SHANK1: variants seen among roughly 807,000 people sequenced by gnomAD.
SHANK1 encodes SH3 and multiple ankyrin repeat domains protein 1.
Under a neutral mutation model 165.6 loss-of-function variants are expected in SHANK1, and 35 were observed. The ratio of observed to expected loss-of-function variants is 0.21; its 90% CI spans 0.16 to 0.28. The LOEUF (loss-of-function observed/expected upper bound fraction) is 0.28, where lower values mean the gene tolerates loss of function less well. SHANK1 is among the 10% of genes least tolerant of loss of function. SHANK1 has a pLI of 1.00. For missense variants in SHANK1, 2,681 were observed against 3,036.4 expected (o/e 0.88, Z 2.75); for synonymous variants, 1,428 against 1,384.8 (o/e 1.03, Z -0.69).
In SHANK1 at chr19:50,667,777, G is replaced by A; in HGVS notation, c.4183C>T (p.His1395Tyr). The change falls in exon 23 of 24, where the codon CAC (histidine) becomes TAC (tyrosine). Residue 1395 changes from histidine to tyrosine, a missense_variant. Coordinates refer to ENST00000293441, the MANE Select transcript of SHANK1 (RefSeq NM_016148.5). This position sits in a 1 kb window ranked among gnomAD's most constrained non-coding sequence, Gnocchi z 5.7. ...YEAPPPTPHH[H>Y]SPHAHHEPVL... ...GGCTCGTGGTGGGCGTGGGGCGAGT[G>A]GTGGTGCGGGGTGGGCGGCGGGGCC... The A allele has an allele frequency of 7.7e-7, 1 of 1,298,906 alleles. No individual in the cohort carries two copies. Among genetic ancestry groups the A allele is most frequent in the South Asian group, 2.5e-5 (1 of 40,348 alleles). 80.5% of individuals were successfully genotyped at this position (1,298,906 alleles called of 1,614,324 possible).
chr19:50,673,383 A>G (rs1985867681), intron 21 of SHANK1, among the ~76,000 whole-genome samples: 1 of 148,378 alleles, frequency 6.7e-6, no homozygotes, highest in South Asian at 2.2e-4. Context: ...CTCCACCCCC[A>G]CCTCTTCCTT....
intron 15 of SHANK1, 141 bp downstream of exon 15, chr19:50,696,955 G>T: frequency 2.7e-6 from 2 of 731,452 alleles, no homozygotes; most frequent in South Asian, 3.3e-5. Context: ...GCACACAGAT[G>T]CGTGTCATGC....
intron 21 of SHANK1, among the ~76,000 whole-genome samples, chr19:50,678,491 G>C (rs1041870894): frequency 1.3e-5 from 2 of 151,540 alleles, no homozygotes; most frequent in African/African-American, 2.4e-5. Context: ...GCAGGGATCC[G>C]AGTGACAGTG....
At position 50,667,756 on chromosome 19, in the gene SHANK1, CGTGGTGGGCGTGGGGCGA is replaced by C; in HGVS notation, c.4186_4203del (p.Ser1396_His1401del). 1.0e-6 allele frequency: 1 copy of C among 986,706 alleles called. No individual in the cohort carries two copies. Among genetic ancestry groups the C allele is most frequent in the South Asian group, 2.8e-5 (1 of 35,930 alleles). The allele number at this position is 986,706 out of a possible 1,614,324, so 61.1% of individuals were successfully genotyped here. ...GCCCCCCAGAGACGCAGCACTGGCT[CGTGGTGGGCGTGGGGCGA>C]GTGGTGGTGCGGGGTGGGCGGCGGG... On this transcript the variant is annotated inframe_deletion, in exon 23 of 24. Transcript: ENST00000293441. This position sits in a 1 kb window ranked among gnomAD's most constrained non-coding sequence, Gnocchi z 5.7.
In SHANK1 at chr19:50,659,559, C is replaced by G. The variant is rs1275606523; in HGVS notation, c.*2406G>C. Among the ~76,000 whole-genome samples, 1 of 138,018 alleles carries G rather than the reference C, an allele frequency of 7.2e-6. No homozygotes were observed. The highest frequency in any genetic ancestry group is 2.6e-4 in the East Asian group (1 of 3,890). 90.5% of individuals were successfully genotyped at this position (138,018 alleles called of 152,430 possible). A position where few individuals can be genotyped will look rare whatever the true frequency, so the allele number is the denominator to read the frequency against. On this transcript the variant is annotated 3_prime_UTR_variant, in exon 24 of 24. Transcript: ENST00000293441. ...GTCCTCATCCGCCCCCCTCCTCTTCCCCTCCCACCCCCCCTTGGAAGACAA... is the reference window on the plus strand; with the variant it reads ...GTCCTCATCCGCCCCCCTCCTCTTCGCCTCCCACCCCCCCTTGGAAGACAA...
rs1302642079 is a variant in SHANK1, at chr19:50,686,878, T to A, written c.2390-66A>T. ...GGGGCGGGGCGGAGCGGGCTCGGCCTGTGGGCGTGGCCAGCAGGTGCGGGC... is the reference window on the plus strand; with the variant it reads ...GGGGCGGGGCGGAGCGGGCTCGGCCAGTGGGCGTGGCCAGCAGGTGCGGGC... On this transcript the variant is annotated intron_variant, in intron 19 of 23. Coordinates refer to ENST00000293441, the MANE Select transcript of SHANK1 (RefSeq NM_016148.5). The surrounding 1 kb of genome is among the most constrained non-coding windows in gnomAD (Gnocchi z 5.7). The A allele has an allele frequency of 6.3e-7, 1 of 1,578,682 alleles. No homozygotes were observed. Among genetic ancestry groups the A allele is most frequent in the Admixed American group, 1.7e-5 (1 of 57,586 alleles).
rs549051295 is a variant in SHANK1, at chr19:50,666,220, C to T, written c.5740G>A (p.Glu1914Lys). 1.0e-4 allele frequency: 164 copies of T among 1,605,492 alleles called. No homozygotes were observed. Among genetic ancestry groups the T allele is most frequent in the Non-Finnish European group, 1.3e-4 (156 of 1,176,822 alleles). Residue 1914 changes from glutamate (E) to lysine (K), a missense_variant, in exon 23 of 24, where the codon GAG (glutamate) becomes AAG (lysine). Physicochemically the swap from Glu to Lys is moderately conservative, Grantham distance 56 (BLOSUM62 1). Coordinates refer to ENST00000293441, the MANE Select transcript of SHANK1 (RefSeq NM_016148.5). ...SHHGGASYVPERTSSLQRQRL... is the reference protein window; with the variant it reads ...SHHGGASYVPKRTSSLQRQRL... ...TGCCGCTGCAGGGAGGAGGTCCTCT[C>T]GGGGACATAGCTGGCTCCCCCGTGG...
At position 50,718,898 on chromosome 19, in the gene SHANK1, G is replaced by T. The variant is rs955422993; in HGVS notation, c.-44+508C>A. Among the ~76,000 whole-genome samples the T allele has an allele frequency of 1.3e-5, 2 of 151,720 alleles. No individual in the cohort carries two copies. The highest frequency in any genetic ancestry group is 4.8e-5 in the African/African-American group (2 of 41,286). On this transcript the variant is annotated intron_variant, in intron 1 of 23. Coordinates refer to ENST00000293441, the MANE Select transcript of SHANK1 (RefSeq NM_016148.5). The surrounding 1 kb of genome is among the most constrained non-coding windows in gnomAD (Gnocchi z 5.1). ...GTGTAGGGACTGGAGACCTGGTGGG[G>T]ACGCAGGGAGCTTGGACAGGGGTGG...
chr19:50,663,743 GA>G (rs570620815), intron 23 of SHANK1, among the ~76,000 whole-genome samples: 2,909 of 112,836 alleles, frequency 0.026, 46 homozygotes, highest in African/African-American at 0.049. Flanking sequence ...ACAAGCAGTG[GA>G]AAAAAAAAAA....
rs1229197601 is a variant in SHANK1 at position 50,667,039 on chromosome 19, C to G, written c.4921G>C (p.Ala1641Pro). The change falls in exon 23 of 24, where the codon GCT (alanine) becomes CCT (proline). Residue 1641 changes from alanine (A) to proline (P), a missense_variant. By Grantham distance (27) the Ala-to-Pro change is conservative. Around this residue, in one of 10 missense-constraint regions of SHANK1, gnomAD observed 1,713 missense variants for 1,630.2 expected, o/e 1.05. Transcript: ENST00000293441. The surrounding 1 kb of genome is among the most constrained non-coding windows in gnomAD (Gnocchi z 5.7). ...CCTGGTGGATGGGGGTCCCCAGGAG[C>G]GGCGGAGGCCCCCTGGGTCAGGGTG... ...VATLTQGASAAPGDPHPPGPP... is the reference protein window; with the variant it reads ...VATLTQGASAPPGDPHPPGPP... 1.3e-6 allele frequency: 2 copies of G among 1,545,270 alleles called. No individual in the cohort carries two copies. Among genetic ancestry groups the G allele is most frequent in the African/African-American group, 2.7e-5 (2 of 74,100 alleles).
Position 50,688,086 on chromosome 19 carries a change from CAG to C in SHANK1, c.2173-30_2173-29del. ...GTGGCACAGACACCCCCAGATCACA[CAG>C]AGTAGACGAGGGGAGGGGTGCTTGC... On this transcript the variant is annotated intron_variant, in intron 17 of 23. Coordinates refer to ENST00000293441, the MANE Select transcript of SHANK1 (RefSeq NM_016148.5). The surrounding 1 kb of genome is among the most constrained non-coding windows in gnomAD (Gnocchi z 6.7). The C allele has an allele frequency of 2.5e-6, 4 of 1,613,106 alleles. No individual in the cohort carries two copies. Among genetic ancestry groups the C allele is most frequent in the Non-Finnish European group, 3.4e-6 (4 of 1,179,788 alleles).
rs746568579 is a variant in SHANK1, at chr19:50,716,799, G to A, written c.121C>T (p.Arg41Trp). 33 of 1,593,216 alleles carry A rather than the reference G, an allele frequency of 2.1e-5. No homozygotes were observed. The highest frequency in any genetic ancestry group is 2.4e-5 in the Non-Finnish European group (28 of 1,171,712). ...DGPGRGPRGT[R>W]GQGSGAPGSL... is the part of the protein sequence containing the mutation. ...CCAGGTGCCCCACTGCCCTGGCCCC[G>A]GGTCCCCCGGGGGCCTCGACCTGGC... Residue 41 changes from arginine to tryptophan, a missense_variant, in exon 2 of 24, where the codon CGG becomes TGG. Physicochemically the swap from Arg to Trp is moderately radical, Grantham distance 101. Coordinates refer to ENST00000293441, the MANE Select transcript of SHANK1 (RefSeq NM_016148.5). The surrounding 1 kb of genome is among the most constrained non-coding windows in gnomAD (Gnocchi z 8.4).
Position 50,686,619 on chromosome 19 carries a change from G to A in SHANK1, c.2458+125C>T. The A allele has an allele frequency of 1.1e-6, 1 of 896,308 alleles. No homozygotes were observed. The highest frequency in any genetic ancestry group is 1.7e-6 in the Non-Finnish European group (1 of 582,474). 55.5% of individuals were successfully genotyped at this position (896,308 alleles called of 1,614,324 possible). A position where few individuals can be genotyped will look rare whatever the true frequency, so the allele number is the denominator to read the frequency against. ...GAGAGGGCGGGCGGAGGGAGGGGAG[G>A]TGGGATCGCAGCCTCTCTGGGGCAG... On this transcript the variant is annotated intron_variant, in intron 20 of 23. Transcript: ENST00000293441. This position sits in a 1 kb window ranked among gnomAD's most constrained non-coding sequence, Gnocchi z 5.7.
chr19:50,707,873 G>A (rs773646044), intron 8 of SHANK1, among the ~76,000 whole-genome samples: 4 of 138,806 alleles, frequency 2.9e-5, no homozygotes, highest in East Asian at 2.0e-4. Context: ...GTACTTTTGC[G>A]TGTTTTTCTT....
At chr19:50,715,821 C>T in intron 3 of SHANK1, 91 bp from the exon 4 acceptor site, 1 of 1,230,778 alleles carries the variant, frequency 8.1e-7, no homozygotes, top group South Asian at 1.2e-5. Flanking sequence ...GGTCTGATCC[C>T]CTTCTAATTC....
intron 15 of SHANK1, among the ~76,000 whole-genome samples, chr19:50,691,032 A>G (rs1426618697): frequency 1.3e-5 from 2 of 152,104 alleles, no homozygotes; most frequent in African/African-American, 4.8e-5. Context: ...GTTCACATGT[A>G]CATACTCCAG....
chr19:50,704,531 G>A lies in SHANK1; in HGVS notation c.1078-17C>T, dbSNP rs1313664959. 6.2e-7 allele frequency: 1 copy of A among 1,609,636 alleles called. No individual in the cohort carries two copies. The highest frequency in any genetic ancestry group is 1.1e-5 in the South Asian group (1 of 90,988). ...ACAGGTCTCCTGCGGGTAATGGCCAGTGGCACAGGACAAAGAGAGAGAGAA... is the reference window on the plus strand; with the variant it reads ...ACAGGTCTCCTGCGGGTAATGGCCAATGGCACAGGACAAAGAGAGAGAGAA... On this transcript the variant is annotated splice_polypyrimidine_tract_variant and intron_variant, in intron 8 of 23. Transcript: ENST00000293441.
intron 21 of SHANK1, among the ~76,000 whole-genome samples, chr19:50,674,212 G>T (rs1315097486): frequency 6.6e-6 from 1 of 151,676 alleles, no homozygotes; most frequent in African/African-American, 2.4e-5. Flanking sequence ...CTGAGTCCCC[G>T]GTCCCCGCAT....
Position 50,713,619 on chromosome 19 carries a change from T to G in SHANK1, c.792+179A>C, listed in dbSNP as rs924901989. Among the ~76,000 whole-genome samples the G allele has an allele frequency of 2.0e-5, 3 of 152,020 alleles. No individual in the cohort carries two copies. Among genetic ancestry groups the G allele is most frequent in the Non-Finnish European group, 4.4e-5 (3 of 67,952 alleles). On this transcript the variant is annotated intron_variant, in intron 6 of 23. Coordinates refer to ENST00000293441, the MANE Select transcript of SHANK1 (RefSeq NM_016148.5). The surrounding 1 kb of genome is among the most constrained non-coding windows in gnomAD (Gnocchi z 6.2). ...CAGCTATAGCCCAGGTGGGTGCATC[T>G]GGGGGGCCTGACAAGGGTGACAATA...
Sources: gnomAD v4.1 joint callset for allele counts (sites outside exome capture counted in the v4.1 genomes callset) on GRCh38, gnomAD v4.1.1 for gene constraint, gnomAD v4.1.1 regional missense constraint, Gnocchi (gnomAD v3.1) non-coding constraint, MANE v1.5 for transcripts, NCBI Gene and HGNC (gene_info 2026-07-23, HGNC 2026-07-21) for gene names.